RAB36: variants seen among roughly 807,000 people sequenced by gnomAD.
RAB36 encodes RAB36, member RAS oncogene family.
RAB36 carries 33 observed loss-of-function variants against 39.3 expected under a neutral mutation model. That is an observed-to-expected ratio of 0.84 (90% CI 0.64 to 1.12). The LOEUF is 1.12. Among genes scored for constraint, RAB36 ranks in the 50% most tolerant of loss-of-function variants. The pLI is 0.00. For synonymous variants in RAB36, 133 were observed against 140.2 expected, an observed-to-expected ratio of 0.95 and a Z score of 0.36; for missense variants, 308 against 355.3, an observed-to-expected ratio of 0.87 and a Z score of 1.07.
In RAB36 at chr22:23,163,606, G is replaced by GCTCCCCC. The variant is rs139292265; in HGVS notation, c.*2043_*2044insTCCCCCC. 1 of 125,230 alleles carries GCTCCCCC rather than the reference G, an allele frequency of 8.0e-6. No individual in the cohort carries two copies. Among genetic ancestry groups the GCTCCCCC allele is most frequent in the African/African-American group, 2.7e-5 (1 of 36,390 alleles). 7.8% of individuals were successfully genotyped at this position (125,230 alleles called of 1,614,324 possible). On this transcript the variant is annotated 3_prime_UTR_variant, in exon 11 of 11. Transcript: ENST00000263116. The stretch of plus-strand genomic sequence containing the variant: ...AAAGCATATAAAATACAAGGTGAAA[G>GCTCCCCC]CCCCCCCCCCGCCACATTAGCTGCG...
At chr22:23,152,867 C>T (rs1357646199) in intron 4 of RAB36, among the ~76,000 whole-genome samples, 166 bp from the exon 5 acceptor site, 3 of 152,224 alleles carry the variant, frequency 2.0e-5, no homozygotes, top group Non-Finnish European at 4.4e-5. Context: ...CTCCCTTTCC[C>T]CACATTGTCC....
At chr22:23,150,255 G>A (rs916801955) in intron 3 of RAB36, 101 bp downstream of exon 3, 4 of 953,862 alleles carry the variant, frequency 4.2e-6, no homozygotes, top group African/African-American at 1.6e-5. Flanking sequence ...CACGAGGCTG[G>A]TGCAGCCCTG....
chr22:23,161,144 C>A (rs2071764679), intron 10 of RAB36, 146 bp downstream of exon 10: 2 of 1,020,202 alleles, frequency 2.0e-6, no homozygotes, highest in African/African-American at 1.6e-5. Context: ...GGTGTCACTG[C>A]AGCCTCAGGC....
chr22:23,167,491 A>T (rs181520443), downstream of RAB36, among the ~76,000 whole-genome samples: 510 of 152,048 alleles, frequency 3.4e-3, 1 homozygote, highest in African/African-American at 0.011. Context: ...AGGCCTCTGG[A>T]GTGGAGAGGA....
intron 4 of RAB36, 84 bp from the exon 5 acceptor site, chr22:23,152,949 C>T (rs1489873901): frequency 3.0e-6 from 3 of 987,660 alleles, no homozygotes; most frequent in Admixed American, 1.9e-5. Flanking sequence ...CCTTATTTGC[C>T]TAAAGACTTG....
At chr22:23,161,422 G>C in intron 10 of RAB36, 78 bp from the exon 11 acceptor site, 3 of 1,290,520 alleles carry the variant, frequency 2.3e-6, no homozygotes, top group Non-Finnish European at 3.3e-6. Context: ...AGCTCTGACT[G>C]TCAGGGCCGG....
In RAB36 at chr22:23,146,622, G is replaced by A. The variant is rs772221348; in HGVS notation, c.6G>A (p.Arg2=). M[R]SSLTPLGPPV... is the part of the protein sequence containing the mutation. The stretch of plus-strand genomic sequence containing the variant: ...GTCCACAGGACTGTGGAAGAATGAG[G>A]TCCTCCCTGACACCTTTGGGGCCCC... Residue 2 remains arginine (R), a synonymous_variant, in exon 2 of 11, where the codon AGG becomes AGA. Transcript: ENST00000263116. 6 of 1,614,012 alleles carry A rather than the reference G, an allele frequency of 3.7e-6. No individual in the cohort carries two copies. The South Asian group carries it at 6.6e-5, about 18-fold the overall frequency.
chr22:23,159,597 T>C (rs2071662438), intron 9 of RAB36, among the ~76,000 whole-genome samples: 1 of 152,242 alleles, frequency 6.6e-6, no homozygotes, highest in African/African-American at 2.4e-5. Context: ...CGTTCCATTT[T>C]AGTCCTGTGA....
rs926210628 is a variant in RAB36 at position 23,164,631 on chromosome 22, G to A, written c.*3067G>A. Among the ~76,000 whole-genome samples, 1 of 152,162 alleles carries A rather than the reference G, an allele frequency of 6.6e-6. No individual in the cohort carries two copies. The highest frequency in any genetic ancestry group is 2.4e-5 in the African/African-American group (1 of 41,436). On this transcript the variant is annotated 3_prime_UTR_variant, in exon 11 of 11. Transcript: ENST00000263116. ...AGGCACTTTCTGTTGGTCTGGTCTTGTGGGCCCAGGCAAGCAGCCCCCTGC... is the reference window on the plus strand; with the variant it reads ...AGGCACTTTCTGTTGGTCTGGTCTTATGGGCCCAGGCAAGCAGCCCCCTGC...
downstream of RAB36, among the ~76,000 whole-genome samples, chr22:23,167,670 G>T (rs1360203409): frequency 1.3e-5 from 2 of 152,112 alleles, no homozygotes; most frequent in Non-Finnish European, 2.9e-5. Flanking sequence ...CGGTTAAATT[G>T]ACACGTTCAC....
At chr22:23,157,742 C>T (rs960186982) in intron 6 of RAB36, among the ~76,000 whole-genome samples, 1 of 152,218 alleles carries the variant, frequency 6.6e-6, no homozygotes, top group African/African-American at 2.4e-5. Flanking sequence ...TGCGCTCGCT[C>T]CACGCCTACC....
At chr22:23,153,615 G>A in intron 5 of RAB36, 1 of 984,780 alleles carries the variant, frequency 1.0e-6, no homozygotes, top group Non-Finnish European at 1.2e-6. Flanking sequence ...CCTTCCTCAG[G>A]TCTGAGGCAC....
intron 10 of RAB36, among the ~76,000 whole-genome samples, chr22:23,161,202 C>T (rs1308840020): frequency 6.6e-6 from 1 of 152,186 alleles, no homozygotes; most frequent in South Asian, 2.1e-4. Flanking sequence ...CCTCCCTAGC[C>T]CTCCCTGTTC....
chr22:23,161,241 A>G (rs547768351), intron 10 of RAB36, among the ~76,000 whole-genome samples: 8 of 152,092 alleles, frequency 5.3e-5, no homozygotes, highest in Admixed American at 2.0e-4. Context: ...ATGGGCATCC[A>G]TGAGGTCCTC....
Position 23,145,515 on chromosome 22 carries a change from A to G in RAB36, c.-49A>G. On this transcript the variant is annotated 5_prime_UTR_variant, in exon 1 of 11. Transcript: ENST00000263116. ...TCGCCGCCGCTGGCTCAGGCGGACCAGGCCGCGCGGAGCCCCAGCTTTCAC... is the reference window on the plus strand; with the variant it reads ...TCGCCGCCGCTGGCTCAGGCGGACCGGGCCGCGCGGAGCCCCAGCTTTCAC... 4 of 1,604,982 alleles carry G rather than the reference A, an allele frequency of 2.5e-6. No individual in the cohort carries two copies. The highest frequency in any genetic ancestry group is 3.4e-6 in the Non-Finnish European group (4 of 1,179,486).
intron 6 of RAB36, chr22:23,156,416 G>A (rs1043358228): frequency 1.1e-5 from 2 of 175,542 alleles, no homozygotes; most frequent in African/African-American, 4.8e-5. Flanking sequence ...GAGTAGGAGT[G>A]AAAGGGGGAC....
At chr22:23,146,091 T>C in intron 1 of RAB36, 6 of 906,618 alleles carry the variant, frequency 6.6e-6, no homozygotes, top group Non-Finnish European at 7.9e-6. Context: ...CCAGGTCTTC[T>C]GACTCCCAGG....
chr22:23,167,811 C>T (rs147306024), downstream of RAB36, among the ~76,000 whole-genome samples: 34 of 152,086 alleles, frequency 2.2e-4, no homozygotes, highest in Non-Finnish European at 2.9e-4. Flanking sequence ...GCCTTCTGAA[C>T]AGCTGGGACT....
rs983036637 is a variant in RAB36, at chr22:23,162,962, A to G, written c.*1398A>G. The G allele has an allele frequency of 1.5e-5, 5 of 337,330 alleles. No homozygotes were observed. Among genetic ancestry groups the G allele is most frequent in the Non-Finnish European group, 2.9e-5 (5 of 172,884 alleles). 20.9% of individuals were successfully genotyped at this position (337,330 alleles called of 1,614,324 possible). A position where few individuals can be genotyped will look rare whatever the true frequency, so the allele number is the denominator to read the frequency against. On this transcript the variant is annotated 3_prime_UTR_variant, in exon 11 of 11. Coordinates refer to ENST00000263116, the MANE Select transcript of RAB36 (RefSeq NM_004914.5). The stretch of plus-strand genomic sequence containing the variant: ...GTTTCACCCTTGTTGCCCAGGCTGG[A>G]GTGCAATGGCGTAATCTCGGCTCAG...
Sources: allele counts gnomAD v4.1 joint callset (sites outside exome capture counted in the v4.1 genomes callset), GRCh38; gene constraint gnomAD v4.1.1; transcripts MANE v1.5; gene names NCBI Gene and HGNC (gene_info 2026-07-23, HGNC 2026-07-21).